Variants in UNC80 observed in about 807,000 individuals in gnomAD.
The protein encoded by UNC80 is protein unc-80 homolog.
UNC80 carries 164 observed loss-of-function variants against 384.6 expected under a neutral mutation model. That is an observed-to-expected ratio of 0.43 (90% CI 0.38 to 0.49). UNC80 has a LOEUF of 0.49. Ranked by LOEUF, UNC80 falls within the 20% of genes least tolerant of loss-of-function variation. The pLI, the probability that UNC80 is intolerant of heterozygous loss-of-function variation, is 0.00. For missense variants in UNC80, 3,330 were observed against 4,143.0 expected (o/e 0.80, Z 5.39); for synonymous variants, 1,486 against 1,527.8 (o/e 0.97, Z 0.64).
rs1216220763 is a variant in UNC80 at position 209,922,379 on chromosome 2, T to C, written c.5658T>C (p.Ala1886=). 6.4e-7 allele frequency: 1 copy of C among 1,551,470 alleles called. No homozygotes were observed. The highest frequency in any genetic ancestry group is 8.7e-7 in the Non-Finnish European group (1 of 1,146,828). ...SVWSVRSAVS[A]EDEEHTTEHT... ...GGTCAGTGCGTTCAGCCGTCAGTGC[T>C]GAAGGTGTGTCCTCTTGCATACGTT... The change falls in exon 35 of 65, where the codon GCT becomes GCC. Residue 1886 remains alanine (A), a synonymous_variant. Coordinates refer to ENST00000673920, the MANE Select transcript of UNC80 (RefSeq NM_001371986.1).
intron 22 of UNC80, among the ~76,000 whole-genome samples, chr2:209,852,742 A>T (rs2082621148): frequency 6.6e-6 from 1 of 152,102 alleles, no homozygotes; most frequent in African/African-American, 2.4e-5. Flanking sequence ...GGGGTTCCTC[A>T]GGGTTATGCT....
chr2:209,788,729 AAG>A (rs1395995466), intron 5 of UNC80, among the ~76,000 whole-genome samples: 1 of 151,204 alleles, frequency 6.6e-6, no homozygotes, highest in African/African-American at 2.4e-5. Flanking sequence ...CCTATTACAA[AAG>A]AGTCAAAAAG....
intron 22 of UNC80, among the ~76,000 whole-genome samples, chr2:209,856,782 T>TTATG (rs2082956520): frequency 6.6e-6 from 1 of 151,548 alleles, no homozygotes. Context: ...ATTTATTTAT[T>TTATG]TATTTATTTA....
chr2:209,990,133 G>C (rs879697243), intron 61 of UNC80, among the ~76,000 whole-genome samples: 6 of 151,960 alleles, frequency 3.9e-5, no homozygotes, highest in Admixed American at 6.6e-5. Context: ...TCCTCTCCTG[G>C]AATAATCATC....
intron 16 of UNC80, among the ~76,000 whole-genome samples, chr2:209,832,039 G>T (rs2081009446): frequency 6.6e-6 from 1 of 152,078 alleles, no homozygotes; most frequent in African/African-American, 2.4e-5. Flanking sequence ...TTAGCTACTT[G>T]TCTTGAAAGA....
rs566156567 is a variant in UNC80 at position 209,780,761 on chromosome 2, G to A, written c.600+3202G>A. On this transcript the variant is annotated intron_variant, in intron 4 of 64. Transcript: ENST00000673920. The stretch of plus-strand genomic sequence containing the variant: ...GCCTTACATCTTTCATTTGCCTGCC[G>A]TTATCAGGTTCTGTTGGAGCCTATG... Among the ~76,000 whole-genome samples the A allele has an allele frequency of 1.7e-4, 26 of 152,046 alleles. No homozygotes were observed. In the East Asian group the frequency reaches 3.5e-3, roughly 20 times the overall value.
At chr2:209,877,873 C>T (rs116269484) in intron 23 of UNC80, 81 bp from the exon 24 acceptor site, 40,236 of 1,371,300 alleles carry the variant, frequency 0.029, 716 homozygotes, top group Admixed American at 0.031. Flanking sequence ...TAATTGGTTG[C>T]TTATGTCTGA....
rs529529685 is a variant in UNC80, at chr2:209,913,216, C to A, written c.4890+549C>A. Among the ~76,000 whole-genome samples, 356 of 152,196 alleles carry A rather than the reference C, an allele frequency of 2.3e-3. 4 individuals carry two copies. Among genetic ancestry groups the A allele is most frequent in the Middle Eastern group, 0.01 (3 of 294 alleles). On this transcript the variant is annotated intron_variant, in intron 30 of 64. Coordinates refer to ENST00000673920, the MANE Select transcript of UNC80 (RefSeq NM_001371986.1). ...CTCTAAATCATTATGTTCTCCCCCC[C>A]AAAAAAATTGTTCATATTTTTCTGG...
rs2092824232 is a variant in UNC80 at position 209,969,542 on chromosome 2, G to GT, written c.8007-220dup. 3.2e-5 allele frequency: 17 copies of GT among 533,782 alleles called. No individual in the cohort carries two copies. The South Asian group carries it at 5.3e-4, about 17-fold the overall frequency. 33.1% of individuals were successfully genotyped at this position (533,782 alleles called of 1,614,324 possible). ...AAAATGCAACCCATTCATCATCTCT[G>GT]TTTTTTCTTCAATAGATTTAGTCGA... On this transcript the variant is annotated intron_variant, in intron 52 of 64. Coordinates refer to ENST00000673920, the MANE Select transcript of UNC80 (RefSeq NM_001371986.1).
chr2:209,936,999 G>A, intron 41 of UNC80, 66 bp downstream of exon 41: 1 of 1,147,654 alleles, frequency 8.7e-7, no homozygotes, highest in Non-Finnish European at 1.3e-6. Flanking sequence ...ACCTGAGGGT[G>A]GCTCACAGTC....
At chr2:209,952,983 C>A (rs902400910) in intron 47 of UNC80, among the ~76,000 whole-genome samples, 1 of 152,062 alleles carries the variant, frequency 6.6e-6, no homozygotes. Context: ...TTATAAAGAG[C>A]ATAGCAAAAA....
chr2:209,980,912 C>T (rs2093141240), intron 59 of UNC80, among the ~76,000 whole-genome samples: 1 of 152,114 alleles, frequency 6.6e-6, no homozygotes, highest in South Asian at 2.1e-4. Context: ...CTGAATCTAT[C>T]CTACCACATT....
intron 2 of UNC80, among the ~76,000 whole-genome samples, chr2:209,774,020 C>T (rs1351780846): frequency 6.6e-6 from 1 of 152,094 alleles, no homozygotes; most frequent in African/African-American, 2.4e-5. Context: ...TTGGAGCTTA[C>T]CTAAAAGTCT....
chr2:209,932,544 G>T (rs934976918), intron 38 of UNC80, among the ~76,000 whole-genome samples: 2 of 152,172 alleles, frequency 1.3e-5, no homozygotes, highest in African/African-American at 2.4e-5. Context: ...TAGGAGAAAT[G>T]CTTGCCCAGA....
intron 44 of UNC80, among the ~76,000 whole-genome samples, chr2:209,942,889 A>T (rs1340141584): frequency 2.6e-5 from 4 of 151,314 alleles, no homozygotes; most frequent in Admixed American, 2.6e-4. Flanking sequence ...CACACTCCAG[A>T]ATTATATATT....
rs867165438 is a variant in UNC80, at chr2:209,900,418, G to A, written c.4581+4005G>A. 3.2e-4 allele frequency among the ~76,000 whole-genome samples: 49 copies of A among 152,068 alleles called. 1 individual carries two copies. Among genetic ancestry groups the A allele is most frequent in the Middle Eastern group, 3.4e-3 (1 of 294 alleles). On this transcript the variant is annotated intron_variant, in intron 28 of 64. Coordinates refer to ENST00000673920, the MANE Select transcript of UNC80 (RefSeq NM_001371986.1). The stretch of plus-strand genomic sequence containing the variant: ...AGTGATCCTTGATGATATTATTGTC[G>A]TTGTTTTGGGACACCATGAACCACA...
chr2:209,922,179 TACA>T, intron 34 of UNC80, 70 bp from the exon 35 acceptor site: 5 of 1,507,146 alleles, frequency 3.3e-6, no homozygotes, highest in Non-Finnish European at 4.5e-6. Context: ...GCATTTGTGA[TACA>T]ACAACAATGT....
chr2:209,838,264 C>T (rs898614448), intron 18 of UNC80, among the ~76,000 whole-genome samples: 1 of 148,326 alleles, frequency 6.7e-6, no homozygotes, highest in Non-Finnish European at 1.5e-5. Flanking sequence ...CCCCACCCCC[C>T]ACCCCGCACC....
intron 9 of UNC80, among the ~76,000 whole-genome samples, chr2:209,816,395 C>T (rs973154304): frequency 6.6e-6 from 1 of 152,128 alleles, no homozygotes; most frequent in African/African-American, 2.4e-5. Flanking sequence ...ACTCTTCTTA[C>T]GAACAGTGGC....
Sources: allele counts gnomAD v4.1 joint callset (sites outside exome capture counted in the v4.1 genomes callset), GRCh38; gene constraint gnomAD v4.1.1; transcripts MANE v1.5; gene names NCBI Gene and HGNC (gene_info 2026-07-23, HGNC 2026-07-21).